Variants in HEATR5A observed in about 807,000 individuals in gnomAD.
HEATR5A encodes the protein HEAT repeat containing 5A.
HEATR5A carries 178 observed loss-of-function variants against 218.8 expected under a neutral mutation model. That is an observed-to-expected ratio of 0.81 (90% confidence interval 0.72 to 0.92). HEATR5A has a LOEUF of 0.92. Among genes scored for constraint, HEATR5A ranks in the 40% least tolerant of loss-of-function variants. The pLI is 0.00. For synonymous variants in HEATR5A, 864 were observed against 871.6 expected (o/e 0.99, Z 0.15); for missense variants, 2,420 against 2,418.9 (o/e 1.00, Z -0.01).
chr14:31,357,501 A>AT (rs201408925), intron 16 of HEATR5A, among the ~76,000 whole-genome samples: 2,882 of 152,280 alleles, frequency 0.019, 65 homozygotes, highest in African/African-American at 0.059. Context: ...ATTAGCCACA[A>AT]TAGCCTATGA....
chr14:31,320,908 C>T (rs550483385), intron 25 of HEATR5A, among the ~76,000 whole-genome samples: 1 of 152,050 alleles, frequency 6.6e-6, no homozygotes, highest in Non-Finnish European at 1.5e-5. Flanking sequence ...ATGTACTTTG[C>T]TTTTACTTGA....
chr14:31,337,441 T>A, intron 22 of HEATR5A, 35 bp downstream of exon 22: 1 of 1,514,354 alleles, frequency 6.6e-7, no homozygotes, highest in Non-Finnish European at 8.9e-7. Flanking sequence ...AAAATAATCA[T>A]TTGAGCTGGA....
At chr14:31,401,202 T>C (rs1450567546) in intron 2 of HEATR5A, among the ~76,000 whole-genome samples, 1 of 152,150 alleles carries the variant, frequency 6.6e-6, no homozygotes, top group Non-Finnish European at 1.5e-5. Context: ...TCATGCTGAA[T>C]GGTAATTCCC....
intron 22 of HEATR5A, among the ~76,000 whole-genome samples, chr14:31,331,360 T>G (rs1900465308): frequency 6.6e-6 from 1 of 152,086 alleles, no homozygotes; most frequent in Non-Finnish European, 1.5e-5. Flanking sequence ...ATAGCAAGAG[T>G]GACCTTTACT....
At chr14:31,413,275 A>G (rs1202625263) in intron 1 of HEATR5A, among the ~76,000 whole-genome samples, 3 of 152,196 alleles carry the variant, frequency 2.0e-5, no homozygotes, top group African/African-American at 7.2e-5. Flanking sequence ...AGGGTGGAGT[A>G]GGAGAGAAAC....
intron 13 of HEATR5A, chr14:31,371,518 C>A (rs972318566): frequency 4.9e-6 from 1 of 205,980 alleles, no homozygotes; most frequent in African/African-American, 2.3e-5. Context: ...CTCACGAACA[C>A]AGAATACTCT....
chr14:31,306,326 C>T (rs919869369), intron 31 of HEATR5A, among the ~76,000 whole-genome samples: 8 of 151,918 alleles, frequency 5.3e-5, no homozygotes, highest in African/African-American at 1.5e-4. Flanking sequence ...ATAAAAAATA[C>T]GAAAAAATTA....
At chr14:31,358,866 T>C (rs763843689) in intron 15 of HEATR5A, 28 bp downstream of exon 15, 1 of 1,606,608 alleles carries the variant, frequency 6.2e-7, no homozygotes, top group Admixed American at 1.7e-5. Context: ...ACAGATTGAA[T>C]CTAATCAAGA....
Position 31,293,354 on chromosome 14 carries a change from T to A in HEATR5A, c.6092A>T (p.Lys2031Met). 6.2e-7 allele frequency: 1 copy of A among 1,610,876 alleles called. No individual in the cohort carries two copies. Residue 2031 changes from lysine (K) to methionine (M), a missense_variant, in exon 36 of 36, where the codon AAG becomes ATG. Physicochemically the swap from Lys to Met is moderately conservative, Grantham distance 95 (BLOSUM62 -1). Transcript: ENST00000543095. ...GATGCTTGAGTTTTTTCCAGGACTC[T>A]TAGTATATTTAGATGTTGGTATCTT... ...KVKIPTSKYT[K>M]SPGKNSSIQL...
intron 17 of HEATR5A, 56 bp from the exon 18 acceptor site, chr14:31,350,035 G>A: frequency 8.3e-7 from 1 of 1,206,254 alleles, no homozygotes; most frequent in Non-Finnish European, 1.1e-6. Flanking sequence ...CTCATATCCA[G>A]TTAGGAATGT....
rs372316590 is a variant in HEATR5A, at chr14:31,364,308, A to G, written c.1962-10T>C. On this transcript the variant is annotated splice_polypyrimidine_tract_variant and intron_variant, in intron 13 of 35. Transcript: ENST00000543095. ...TAGTATTGAAGAAAGCCTTAAAATA[A>G]AAGAAAAAGTGTATCTTAAGTGGTT... 2.5e-5 allele frequency: 34 copies of G among 1,382,494 alleles called. No homozygotes were observed. Among genetic ancestry groups the G allele is most frequent in the Non-Finnish European group, 3.4e-5 (34 of 1,006,100 alleles). The allele number at this position is 1,382,494 out of a possible 1,614,324, so 85.6% of individuals were successfully genotyped here.
chr14:31,341,651 G>C (rs1900843491), intron 21 of HEATR5A, among the ~76,000 whole-genome samples: 2 of 151,994 alleles, frequency 1.3e-5, no homozygotes, highest in African/African-American at 4.8e-5. Flanking sequence ...CTTCTACCTT[G>C]ACCTCCCAAA....
intron 21 of HEATR5A, among the ~76,000 whole-genome samples, chr14:31,339,449 C>CAAAAAAAA (rs55998911): frequency 3.0e-5 from 2 of 67,430 alleles, no homozygotes; most frequent in Non-Finnish European, 5.3e-5. Flanking sequence ...AACTGTGTCT[C>CAAAAAAAA]AAAAAAAAAA....
intron 14 of HEATR5A, among the ~76,000 whole-genome samples, chr14:31,363,493 G>A (rs1449739085): frequency 6.6e-6 from 1 of 152,116 alleles, no homozygotes; most frequent in African/African-American, 2.4e-5. Context: ...AGCACAGCAT[G>A]AGGCAAACTT....
Position 31,333,857 on chromosome 14 carries a change from C to T in HEATR5A, c.3367+3619G>A, listed in dbSNP as rs567965727. On this transcript the variant is annotated intron_variant, in intron 22 of 35. Coordinates refer to ENST00000543095, the MANE Select transcript of HEATR5A (RefSeq NM_015473.4). ...GACCAGCCTGGGCAACAAGGTGAGACCCCATCTCTACAAAAAATACAAAAA... is the reference window on the plus strand; with the variant it reads ...GACCAGCCTGGGCAACAAGGTGAGATCCCATCTCTACAAAAAATACAAAAA... 8.1e-5 allele frequency among the ~76,000 whole-genome samples: 12 copies of T among 148,332 alleles called. 1 individual carries two copies. The highest frequency in any genetic ancestry group is 2.2e-4 in the South Asian group (1 of 4,506).
intron 3 of HEATR5A, among the ~76,000 whole-genome samples, chr14:31,399,975 T>A (rs1325393026): frequency 6.6e-6 from 1 of 152,218 alleles, no homozygotes; most frequent in African/African-American, 2.4e-5. Context: ...ACTATCAATT[T>A]TCATAACCAA....
chr14:31,414,382 A>C (rs1040452868), intron 1 of HEATR5A, among the ~76,000 whole-genome samples: 3 of 152,230 alleles, frequency 2.0e-5, no homozygotes, highest in Non-Finnish European at 4.4e-5. Context: ...TAGTTTAGAC[A>C]TGACTAATAA....
At position 31,344,013 on chromosome 14, in the gene HEATR5A, T is replaced by C. The variant is rs750948290; in HGVS notation, c.3111A>G (p.Ala1037=). 1 of 1,605,872 alleles carries C rather than the reference T, an allele frequency of 6.2e-7. No homozygotes were observed. The change falls in exon 21 of 36, where the codon GCA becomes GCG. Residue 1037 remains alanine (A), a synonymous_variant. Transcript: ENST00000543095. ...GGCAGTCTGGGTTATCTTGCATTAC[T>C]GCACAACCCAGTAGACAGGAAGTCC... is the stretch of plus-strand genomic sequence containing the variant. ...TLRTSCLLGC[A]VMQDNPDCLV... is the part of the protein sequence containing the mutation.
chr14:31,399,090 G>T (rs1383739153), intron 3 of HEATR5A, among the ~76,000 whole-genome samples: 1 of 152,116 alleles, frequency 6.6e-6, no homozygotes, highest in African/African-American at 2.4e-5. Flanking sequence ...GATCAATTTT[G>T]AGTTAATTTT....
Sources: allele counts gnomAD v4.1 joint callset (sites outside exome capture counted in the v4.1 genomes callset), GRCh38; gene constraint gnomAD v4.1.1; transcripts MANE v1.5; gene names NCBI Gene and HGNC (gene_info 2026-07-23, HGNC 2026-07-21).